Variants in PIEZO2 observed in about 807,000 individuals in gnomAD.
PIEZO2 encodes the protein piezo-type mechanosensitive ion channel component 2.
A neutral mutation model predicts 337.3 loss-of-function variants in PIEZO2; 172 were observed. That is an observed-to-expected ratio of 0.51 (90% CI 0.45 to 0.58). PIEZO2 has a LOEUF of 0.58. PIEZO2 is among the 20% of genes least tolerant of loss of function. The pLI, the probability that PIEZO2 is intolerant of heterozygous loss-of-function variation, is 0.00. For synonymous variants in PIEZO2, 1,251 were observed against 1,228.5 expected, an observed-to-expected ratio of 1.02 and a Z score of -0.38; for missense variants, 3,028 against 3,391.3, an observed-to-expected ratio of 0.89 and a Z score of 2.66.
intron 3 of PIEZO2, among the ~76,000 whole-genome samples, chr18:10,964,943 G>A (rs866284050): frequency 7.2e-5 from 11 of 152,148 alleles, no homozygotes; most frequent in Admixed American, 2.0e-4. Flanking sequence ...TAGTTTTATG[G>A]CTGAATAATA....
Position 10,854,545 on chromosome 18 carries a change from T to A in PIEZO2, c.917+808A>T, listed in dbSNP as rs1420914142. On this transcript the variant is annotated intron_variant, in intron 7 of 55. Transcript: ENST00000674853. The surrounding 1 kb of genome is among the most constrained non-coding windows in gnomAD (Gnocchi z 4.6). The stretch of plus-strand genomic sequence containing the variant: ...CATGGAGGAATTTTCTCTCATTCAC[T>A]GAGAATGACTTATTAAAAGTCAAAG... Among the ~76,000 whole-genome samples the A allele has an allele frequency of 6.6e-6, 1 of 152,252 alleles. No homozygotes were observed. Among genetic ancestry groups the A allele is most frequent in the African/African-American group, 2.4e-5 (1 of 41,468 alleles).
chr18:10,913,032 G>A (rs2030619803), intron 3 of PIEZO2, among the ~76,000 whole-genome samples: 1 of 151,510 alleles, frequency 6.6e-6, no homozygotes, highest in Non-Finnish European at 1.5e-5. Context: ...GCCCAGGGGA[G>A]TGGGTCCCAT....
chr18:10,719,154 A>T (rs746779157), intron 36 of PIEZO2, among the ~76,000 whole-genome samples: 1 of 152,166 alleles, frequency 6.6e-6, no homozygotes, highest in African/African-American at 2.4e-5. Context: ...GTGCAAGATA[A>T]CCAGTTAAAT....
In PIEZO2 at chr18:10,943,078, G is replaced by A. The variant is rs1306084515; in HGVS notation, c.287-31850C>T. 1.3e-5 allele frequency among the ~76,000 whole-genome samples: 2 copies of A among 152,222 alleles called. No individual in the cohort carries two copies. The highest frequency in any genetic ancestry group is 4.8e-5 in the African/African-American group (2 of 41,466). ...TTTCAGAAGATACATGGAAACCCCTGGATAACCAGGCAGAAGTTTGCTGTA... is the reference window on the plus strand; with the variant it reads ...TTTCAGAAGATACATGGAAACCCCTAGATAACCAGGCAGAAGTTTGCTGTA... On this transcript the variant is annotated intron_variant, in intron 3 of 55. Coordinates refer to ENST00000674853, the MANE Select transcript of PIEZO2 (RefSeq NM_001378183.1). This position sits in a 1 kb window ranked among gnomAD's most constrained non-coding sequence, Gnocchi z 4.5.
chr18:10,742,673 C>A, intron 31 of PIEZO2, 58 bp from the exon 32 acceptor site: 1 of 1,521,070 alleles, frequency 6.6e-7, no homozygotes, highest in South Asian at 1.2e-5. Context: ...CTCATGTGGT[C>A]AGTACTTTGG....
Position 10,844,368 on chromosome 18 carries a change from C to T in PIEZO2, c.917+10985G>A, listed in dbSNP as rs567493602. 3.3e-5 allele frequency among the ~76,000 whole-genome samples: 5 copies of T among 149,632 alleles called. No individual in the cohort carries two copies. In the South Asian group the frequency reaches 8.7e-4, roughly 26 times the overall value. On this transcript the variant is annotated intron_variant, in intron 7 of 55. Transcript: ENST00000674853. ...CTCGGAGGCGGGAGTTGCAGTGAGC[C>T]GAGACTGCACCACTGTGCTCCAGCC...
chr18:10,995,306 T>C (rs1417620327), intron 2 of PIEZO2, among the ~76,000 whole-genome samples: 2 of 152,166 alleles, frequency 1.3e-5, no homozygotes, highest in East Asian at 3.9e-4. Flanking sequence ...TTTAACCCAC[T>C]TTTGGATGGG....
At chr18:10,857,453 TC>T (rs1353628114) in intron 5 of PIEZO2, among the ~76,000 whole-genome samples, 1 of 151,492 alleles carries the variant, frequency 6.6e-6, no homozygotes, top group Non-Finnish European at 1.5e-5. Flanking sequence ...CATGTCATAT[TC>T]CCTATTTGTG....
Position 11,060,591 on chromosome 18 carries a change from C to A in PIEZO2, c.160+5536G>T, listed in dbSNP as rs554384345. ...AAAGGGGATATCACCACCGATCCCA[C>A]GGAAATACAAACTACCATCAGAGAA... On this transcript the variant is annotated intron_variant, in intron 2 of 55. Coordinates refer to ENST00000674853, the MANE Select transcript of PIEZO2 (RefSeq NM_001378183.1). Among the ~76,000 whole-genome samples the A allele has an allele frequency of 2.6e-5, 4 of 152,176 alleles. No homozygotes were observed. In the East Asian group the frequency reaches 5.8e-4, roughly 22 times the overall value.
chr18:10,697,952 G>T lies in PIEZO2; in HGVS notation c.6695-72C>A, dbSNP rs1261320357. The T allele has an allele frequency of 4.6e-6, 7 of 1,522,922 alleles. No homozygotes were observed. In the African/African-American group the frequency reaches 8.3e-5, roughly 18 times the overall value. 94.3% of individuals were successfully genotyped at this position (1,522,922 alleles called of 1,614,324 possible). ...TGTTCACCTAAATATCCAAGAAGCA[G>T]AACCCAGAGCCCACATGGTGGAGGG... On this transcript the variant is annotated intron_variant, in intron 44 of 55. Transcript: ENST00000674853.
chr18:10,686,576 A>AT (rs2034553668), intron 49 of PIEZO2, among the ~76,000 whole-genome samples: 1 of 152,228 alleles, frequency 6.6e-6, no homozygotes, highest in African/African-American at 2.4e-5. Context: ...GTATTAAGTG[A>AT]TTCCTAGGCC....
At chr18:11,008,573 G>T (rs1395135523) in intron 2 of PIEZO2, among the ~76,000 whole-genome samples, 1 of 152,096 alleles carries the variant, frequency 6.6e-6, no homozygotes, top group Non-Finnish European at 1.5e-5. Flanking sequence ...AACATGACTC[G>T]GCTTCTGACC....
intron 1 of PIEZO2, among the ~76,000 whole-genome samples, chr18:11,088,073 C>A (rs2038964091): frequency 6.6e-6 from 1 of 152,246 alleles, no homozygotes; most frequent in Non-Finnish European, 1.5e-5. Context: ...TCCCCCTGGA[C>A]CTTAGGCAGA....
At position 11,131,578 on chromosome 18, in the gene PIEZO2, C is replaced by T. The variant is rs970573970; in HGVS notation, c.64+16947G>A. ...GAAATCTTCCCAGTGGGCAGAACTT[C>T]GAGCCATGCACCTGGCTGTGCACGT... On this transcript the variant is annotated intron_variant, in intron 1 of 55. Coordinates refer to ENST00000674853, the MANE Select transcript of PIEZO2 (RefSeq NM_001378183.1). The surrounding 1 kb of genome is among the most constrained non-coding windows in gnomAD (Gnocchi z 5.3). Among the ~76,000 whole-genome samples the T allele has an allele frequency of 6.6e-6, 1 of 152,188 alleles. No individual in the cohort carries two copies. Among genetic ancestry groups the T allele is most frequent in the South Asian group, 2.1e-4 (1 of 4,814 alleles).
chr18:10,708,723 A>G (rs1300757262), intron 39 of PIEZO2, among the ~76,000 whole-genome samples: 1 of 152,240 alleles, frequency 6.6e-6, no homozygotes, highest in Non-Finnish European at 1.5e-5. Context: ...GACAAGTCCC[A>G]ATATTTTTCT....
rs1453779576 is a variant in PIEZO2 at position 10,952,781 on chromosome 18, A to G, written c.286+26754T>C. ...TGGAAGATTATTTTTCAAAGTGTCT[A>G]TATAATTGTACATTCCCGCCAGAAA... On this transcript the variant is annotated intron_variant, in intron 3 of 55. Coordinates refer to ENST00000674853, the MANE Select transcript of PIEZO2 (RefSeq NM_001378183.1). This position sits in a 1 kb window ranked among gnomAD's most constrained non-coding sequence, Gnocchi z 4.1. Among the ~76,000 whole-genome samples the G allele has an allele frequency of 6.6e-6, 1 of 152,192 alleles. No homozygotes were observed. Among genetic ancestry groups the G allele is most frequent in the Non-Finnish European group, 1.5e-5 (1 of 68,036 alleles).
At chr18:11,090,845 C>A (rs547633114) in intron 1 of PIEZO2, among the ~76,000 whole-genome samples, 350 of 141,024 alleles carry the variant, frequency 2.5e-3, no homozygotes, top group Non-Finnish European at 2.8e-3. Context: ...CCCGGGGGGG[C>A]AAAGCTTGCA....
At chr18:10,963,640 C>T (rs1198401349) in intron 3 of PIEZO2, among the ~76,000 whole-genome samples, 1 of 152,142 alleles carries the variant, frequency 6.6e-6, no homozygotes, top group Non-Finnish European at 1.5e-5. Flanking sequence ...CAAAGAGCAC[C>T]TATAAATTAA....
chr18:10,682,547 C>T lies in PIEZO2; in HGVS notation c.7498-255G>A, dbSNP rs576950597. Reference sequence around the variant, plus strand: ...TCCACAGGGGCCAACAGGACTTAAGCGGCCTTCTCCCTTCAAGACTGTGGG... The same window carrying T: ...TCCACAGGGGCCAACAGGACTTAAGTGGCCTTCTCCCTTCAAGACTGTGGG... On this transcript the variant is annotated intron_variant, in intron 49 of 55. Coordinates refer to ENST00000674853, the MANE Select transcript of PIEZO2 (RefSeq NM_001378183.1). The surrounding 1 kb of genome is among the most constrained non-coding windows in gnomAD (Gnocchi z 5.6). 6.6e-6 allele frequency among the ~76,000 whole-genome samples: 1 copy of T among 152,162 alleles called. No individual in the cohort carries two copies. Among genetic ancestry groups the T allele is most frequent in the Admixed American group, 6.5e-5 (1 of 15,278 alleles).
Sources: gnomAD v4.1 joint callset for allele counts (sites outside exome capture counted in the v4.1 genomes callset) on GRCh38, gnomAD v4.1.1 for gene constraint, Gnocchi (gnomAD v3.1) non-coding constraint, MANE v1.5 for transcripts, NCBI Gene and HGNC (gene_info 2026-07-23, HGNC 2026-07-21) for gene names.